The following FBXW4 variants were observed in gnomAD, a reference collection of about 807,000 sequenced individuals.
FBXW4 encodes F-box/WD repeat-containing protein 4.
A neutral mutation model predicts 61.8 loss-of-function variants in FBXW4; 40 were observed. That is an observed-to-expected ratio of 0.65 (90% CI 0.50 to 0.84). The LOEUF (loss-of-function observed/expected upper bound fraction) is 0.84, where lower values mean the gene tolerates loss of function less well. Ranked by LOEUF, FBXW4 falls within the 40% of genes least tolerant of loss-of-function variation. FBXW4 has a pLI of 0.00. For synonymous variants in FBXW4, 311 were observed against 313.8 expected (o/e 0.99, Z 0.10); for missense variants, 672 against 753.8 (o/e 0.89, Z 1.27).
At chr10:101,630,460 A>G (rs1229736440) in intron 5 of FBXW4, among the ~76,000 whole-genome samples, 1 of 152,154 alleles carries the variant, frequency 6.6e-6, no homozygotes, top group Non-Finnish European at 1.5e-5. Flanking sequence ...CTGTCCCTCC[A>G]TTGGCTCAGC....
chr10:101,675,174 T>C (rs1007652979), intron 2 of FBXW4, among the ~76,000 whole-genome samples: 1 of 152,236 alleles, frequency 6.6e-6, no homozygotes. Flanking sequence ...ATATATTACA[T>C]GGAACATGTG....
At chr10:101,640,923 C>T (rs1378880636) in intron 5 of FBXW4, among the ~76,000 whole-genome samples, 3 of 152,104 alleles carry the variant, frequency 2.0e-5, no homozygotes, top group Admixed American at 2.0e-4. Context: ...CTCCACCTCC[C>T]AGGTTCAAGC....
intron 6 of FBXW4, among the ~76,000 whole-genome samples, chr10:101,617,759 C>T (rs1177813243): frequency 6.6e-6 from 1 of 151,950 alleles, no homozygotes; most frequent in Non-Finnish European, 1.5e-5. Flanking sequence ...AAGTGAAACG[C>T]AAAGTATCAG....
At chr10:101,659,663 A>G (rs1377743670) in intron 5 of FBXW4, among the ~76,000 whole-genome samples, 1 of 152,216 alleles carries the variant, frequency 6.6e-6, no homozygotes, top group Non-Finnish European at 1.5e-5. Flanking sequence ...TCTGTGTGAA[A>G]GGAAGCTCAG....
intron 6 of FBXW4, among the ~76,000 whole-genome samples, chr10:101,613,734 C>T (rs1167126628): frequency 6.6e-6 from 1 of 152,212 alleles, no homozygotes; most frequent in Non-Finnish European, 1.5e-5. Context: ...AAGGAGGAGA[C>T]TGGGGGTTCC....
At chr10:101,662,194 G>A (rs978853506) in intron 5 of FBXW4, among the ~76,000 whole-genome samples, 5 of 152,120 alleles carry the variant, frequency 3.3e-5, no homozygotes, top group South Asian at 2.1e-4. Flanking sequence ...TCAACAGGCC[G>A]CTGAATATGC....
At chr10:101,618,403 CAGAG>C (rs1564902408) in intron 6 of FBXW4, among the ~76,000 whole-genome samples, 1 of 152,146 alleles carries the variant, frequency 6.6e-6, no homozygotes, top group East Asian at 1.9e-4. Flanking sequence ...TCATTAGGCA[CAGAG>C]GGGGTATTCT....
At chr10:101,612,568 TTC>T in intron 6 of FBXW4, 91 bp from the exon 7 acceptor site, 2 of 1,319,286 alleles carry the variant, frequency 1.5e-6, no homozygotes, top group Admixed American at 2.7e-5. Flanking sequence ...TGGGGAAATG[TTC>T]TCTTTCCTCA....
At chr10:101,669,399 T>C (rs1358598172) in intron 4 of FBXW4, among the ~76,000 whole-genome samples, 2 of 152,182 alleles carry the variant, frequency 1.3e-5, no homozygotes, top group African/African-American at 4.8e-5. Context: ...AGGCAGATTC[T>C]TTCTTAGGGG....
chr10:101,674,602 T>C (rs979221050), intron 2 of FBXW4, among the ~76,000 whole-genome samples: 1 of 152,234 alleles, frequency 6.6e-6, no homozygotes, highest in Admixed American at 6.5e-5. Context: ...ACTGATTAGA[T>C]ACCTAGATCC....
At chr10:101,650,964 A>T (rs2064140686) in intron 5 of FBXW4, among the ~76,000 whole-genome samples, 2 of 152,194 alleles carry the variant, frequency 1.3e-5, no homozygotes, top group East Asian at 3.9e-4. Flanking sequence ...AAATAACGCC[A>T]CTATGCCGGC....
rs2064653639 is a variant in FBXW4 at position 101,694,577 on chromosome 10, G to A, written c.529C>T (p.Pro177Ser). The A allele has an allele frequency of 7.5e-6, 11 of 1,465,024 alleles. No individual in the cohort carries two copies. Among genetic ancestry groups the A allele is most frequent in the Non-Finnish European group, 9.8e-6 (11 of 1,117,928 alleles). 90.8% of individuals were successfully genotyped at this position (1,465,024 alleles called of 1,614,324 possible). Reference protein sequence around the residue: ...EEAARESAARPAAGPALWRLP... With the variant: ...EEAARESAARSAAGPALWRLP... ...CGCCAGAGCGCAGGCCCCGCGGCCGGGCGGGCAGCCGACTCCCGAGCCGCC... is the reference window on the plus strand; with the variant it reads ...CGCCAGAGCGCAGGCCCCGCGGCCGAGCGGGCAGCCGACTCCCGAGCCGCC... Residue 177 changes from proline (P) to serine (S), a missense_variant, in exon 1 of 9, where the codon CCG becomes TCG. By Grantham distance (74) the Pro-to-Ser change is moderately conservative (BLOSUM62 -1). Around this residue, in one of 5 missense-constraint regions of FBXW4, gnomAD observed 311 missense variants for 301.1 expected, o/e 1.03. Transcript: ENST00000331272. This position sits in a 1 kb window ranked among gnomAD's most constrained non-coding sequence, Gnocchi z 6.0.
At chr10:101,653,304 T>G (rs543643854) in intron 5 of FBXW4, among the ~76,000 whole-genome samples, 2 of 152,224 alleles carry the variant, frequency 1.3e-5, no homozygotes, top group Non-Finnish European at 2.9e-5. Context: ...GAATCCTATA[T>G]GCTGTAGCAC....
chr10:101,681,400 ATAAT>A (rs1361212342), intron 1 of FBXW4, among the ~76,000 whole-genome samples: 2 of 137,140 alleles, frequency 1.5e-5, no homozygotes, highest in African/African-American at 2.7e-5. Context: ...AAAAAAAAAA[ATAAT>A]AATAATAATA....
chr10:101,681,578 G>A (rs960135498), intron 1 of FBXW4, among the ~76,000 whole-genome samples: 15 of 150,268 alleles, frequency 1.0e-4, no homozygotes, highest in South Asian at 2.1e-4. Flanking sequence ...TTAGCCAGGC[G>A]TGGTGGCGGG....
chr10:101,615,513 T>C (rs1450231604), intron 6 of FBXW4, among the ~76,000 whole-genome samples: 3 of 151,966 alleles, frequency 2.0e-5, no homozygotes, highest in African/African-American at 7.3e-5. Flanking sequence ...GAGACCTGTT[T>C]CCTTGGCTCT....
intron 5 of FBXW4, among the ~76,000 whole-genome samples, chr10:101,636,237 A>G (rs2064000511): frequency 1.3e-5 from 2 of 152,016 alleles, no homozygotes; most frequent in African/African-American, 4.8e-5. Context: ...TGCACCACCT[A>G]ACTACTCAGG....
intron 5 of FBXW4, among the ~76,000 whole-genome samples, chr10:101,666,512 G>A (rs554042173): frequency 2.0e-5 from 3 of 152,176 alleles, no homozygotes; most frequent in Non-Finnish European, 2.9e-5. Context: ...GGGCCTAAAC[G>A]AAGTGGGTAG....
intron 6 of FBXW4, chr10:101,612,984 A>T (rs2063800473): frequency 6.6e-6 from 1 of 152,422 alleles, no homozygotes; most frequent in Non-Finnish European, 1.5e-5. Context: ...GTCCCAGGAG[A>T]TGTTAAAACA....
Sources: gnomAD v4.1 joint callset for allele counts (sites outside exome capture counted in the v4.1 genomes callset) on GRCh38, gnomAD v4.1.1 for gene constraint, gnomAD v4.1.1 regional missense constraint, Gnocchi (gnomAD v3.1) non-coding constraint, MANE v1.5 for transcripts, NCBI Gene and HGNC (gene_info 2026-07-23, HGNC 2026-07-21) for gene names.